Variants in VWA5B1 observed in about 807,000 individuals in gnomAD.
VWA5B1 encodes the protein von Willebrand factor A domain-containing protein 5B1.
Under a neutral mutation model 118.2 loss-of-function variants are expected in VWA5B1, and 115 were observed. The observed-to-expected ratio is 0.97, with a 90% CI of 0.84 to 1.14. The LOEUF (loss-of-function observed/expected upper bound fraction) is 1.14. Ranked by LOEUF, VWA5B1 falls within the 50% of genes most tolerant of loss-of-function variation. VWA5B1 has a pLI of 0.00. For synonymous variants in VWA5B1, 682 were observed against 658.4 expected (o/e 1.04, Z -0.55); for missense variants, 1,596 against 1,603.8 (o/e 1.00, Z 0.08).
chr1:20,315,690 C>T, intron 4 of VWA5B1, among the ~76,000 whole-genome samples: 1 of 152,128 alleles, frequency 6.6e-6, no homozygotes, highest in Admixed American at 6.5e-5. Flanking sequence ...GCAGCAGGTG[C>T]CATGTGTCAC....
At chr1:20,293,325 T>C (rs2088347185) in intron 1 of VWA5B1, among the ~76,000 whole-genome samples, 1 of 152,044 alleles carries the variant, frequency 6.6e-6, no homozygotes, top group Admixed American at 6.5e-5. Flanking sequence ...CGAATGCTGG[T>C]TATGGCTCTG....
chr1:20,329,287 CTTTTTTTTTTTTTTT>C (rs10578067), intron 9 of VWA5B1, among the ~76,000 whole-genome samples: 2 of 89,216 alleles, frequency 2.2e-5, no homozygotes, highest in South Asian at 4.2e-4. Context: ...TTTCTTTTCC[CTTTTTTTTTTTTTTT>C]TTTTTTTTTT....
Position 20,323,407 on chromosome 1 carries a change from A to T in VWA5B1, c.1018A>T (p.Ile340Phe), listed in dbSNP as rs2089281806. Reference protein sequence around the residue: ...LHKDIPHHSVIMLNFCPDLQS... With the variant: ...LHKDIPHHSVFMLNFCPDLQS... ...CAAAGACATTCCCCACCACTCCGTCATCATGCTCAACTTCTGTCCCGACCT... is the reference window on the plus strand; with the variant it reads ...CAAAGACATTCCCCACCACTCCGTCTTCATGCTCAACTTCTGTCCCGACCT... Residue 340 changes from isoleucine (I) to phenylalanine (F), a missense_variant, in exon 8 of 22, where the codon ATC becomes TTC. Ile to Phe is a conservative substitution (Grantham distance 21). Transcript: ENST00000289815. The T allele has an allele frequency of 6.5e-7, 1 of 1,530,468 alleles. No individual in the cohort carries two copies. The highest frequency in any genetic ancestry group is 8.8e-7 in the Non-Finnish European group (1 of 1,137,840). The allele number at this position is 1,530,468 out of a possible 1,614,324, so 94.8% of individuals were successfully genotyped here.
chr1:20,317,155 CAAAAAAA>C (rs367872784), intron 4 of VWA5B1, among the ~76,000 whole-genome samples: 25 of 70,518 alleles, frequency 3.5e-4, no homozygotes, highest in African/African-American at 1.1e-3. Flanking sequence ...GACTGCATCT[CAAAAAAA>C]AAAAAAAAAA....
intron 17 of VWA5B1, 131 bp downstream of exon 17, chr1:20,345,724 G>GA: frequency 7.6e-7 from 1 of 1,321,110 alleles, no homozygotes; most frequent in Non-Finnish European, 1.0e-6. Flanking sequence ...AAGCAGAAAG[G>GA]CCCCCAGTGG....
intron 2 of VWA5B1, 47 bp from the exon 3 acceptor site, chr1:20,312,789 C>A (rs1453255355): frequency 6.6e-7 from 1 of 1,509,164 alleles, no homozygotes; most frequent in South Asian, 1.3e-5. Flanking sequence ...AAGGGGTGTG[C>A]AGGGTAGGCC....
At chr1:20,330,095 T>G in intron 9 of VWA5B1, 85 bp from the exon 10 acceptor site, 1 of 1,451,634 alleles carries the variant, frequency 6.9e-7, no homozygotes, top group Non-Finnish European at 9.4e-7. Context: ...TAAAAGAAGA[T>G]CTAGGGAAAC....
intron 5 of VWA5B1, 112 bp downstream of exon 5, chr1:20,317,787 A>C: frequency 7.6e-7 from 1 of 1,318,960 alleles, no homozygotes; most frequent in South Asian, 1.6e-5. Context: ...TGGCAGACCT[A>C]CTAAAGTACA....
chr1:20,310,400 C>T (rs1213383863), intron 1 of VWA5B1, among the ~76,000 whole-genome samples, 176 bp from the exon 2 acceptor site: 1 of 152,188 alleles, frequency 6.6e-6, no homozygotes, highest in Non-Finnish European at 1.5e-5. Flanking sequence ...CACTTCTCTT[C>T]TCAGGGGAGA....
Position 20,354,378 on chromosome 1 carries a change from G to T in VWA5B1, c.*115G>T. On this transcript the variant is annotated 3_prime_UTR_variant, in exon 22 of 22. Coordinates refer to ENST00000289815, the MANE Select transcript of VWA5B1 (RefSeq NM_001039500.3). ...GCTGTAACTAATATTTCAGTTACTAGAAAGAGCCCTGGACTGGCAGCCAGG... is the reference window on the plus strand; with the variant it reads ...GCTGTAACTAATATTTCAGTTACTATAAAGAGCCCTGGACTGGCAGCCAGG... 3.8e-6 allele frequency: 5 copies of T among 1,315,554 alleles called. No homozygotes were observed. Among genetic ancestry groups the T allele is most frequent in the Non-Finnish European group, 5.1e-6 (5 of 985,946 alleles). 81.5% of individuals were successfully genotyped at this position (1,315,554 alleles called of 1,614,324 possible). A position where few individuals can be genotyped will look rare whatever the true frequency, so the allele number is the denominator to read the frequency against.
rs1297216815 is a variant in VWA5B1, at chr1:20,336,401, CTG to C, written c.1860_1861del (p.Ala621GlnfsTer56). On this transcript the variant is annotated frameshift_variant, in exon 13 of 22. Transcript: ENST00000289815. LOFTEE classifies it high-confidence loss of function. ...ACGGACCCGGGCTGGAAGGTGGAGA[CTG>C]TGCCAAGAACTCGGGGGCACCCTTC... ...DDGPGLEGGDCAKNSGAPFIL... is the reference protein window; with the variant it reads ...DDGPGLEGGDXAKNSGAPFIL... 1.3e-6 allele frequency: 2 copies of C among 1,529,144 alleles called. No individual in the cohort carries two copies. Among genetic ancestry groups the C allele is most frequent in the East Asian group, 2.5e-5 (1 of 39,954 alleles). 94.7% of individuals were successfully genotyped at this position (1,529,144 alleles called of 1,614,324 possible).
At position 20,314,462 on chromosome 1, in the gene VWA5B1, A is replaced by C; in HGVS notation, c.433A>C (p.Ile145Leu). ...IAPMENVTIF[I>L]STSSELPTLP... ...CCCCATGGAGAATGTCACCATCTTC[A>C]TCAGCACCTCCTCGGAGCTCCCAAC... Residue 145 changes from isoleucine to leucine, a missense_variant, in exon 4 of 22, where the codon ATC becomes CTC. Transcript: ENST00000289815. The C allele has an allele frequency of 3.9e-6, 6 of 1,551,754 alleles. No homozygotes were observed. The South Asian group carries it at 5.9e-5, about 15-fold the overall frequency.
chr1:20,292,395 G>A (rs537772686), intron 1 of VWA5B1, among the ~76,000 whole-genome samples: 55 of 152,138 alleles, frequency 3.6e-4, no homozygotes, highest in Non-Finnish European at 6.9e-4. Flanking sequence ...TGGGTTGGCC[G>A]GTGGGGCTGA....
Position 20,317,923 on chromosome 1 carries a change from G to A in VWA5B1, c.709+248G>A, listed in dbSNP as rs867481442. Among the ~76,000 whole-genome samples, 4 of 151,768 alleles carry A rather than the reference G, an allele frequency of 2.6e-5. No individual in the cohort carries two copies. In the South Asian group the frequency reaches 6.3e-4, roughly 24 times the overall value. On this transcript the variant is annotated intron_variant, in intron 5 of 21. Transcript: ENST00000289815. ...GCTTCCTCGGAAGAATGTCCATGGG[G>A]AATGGTGGCCCTTGGTTCTCTCCTA...
At position 20,314,380 on chromosome 1, in the gene VWA5B1, G is replaced by T. The variant is rs1214763984; in HGVS notation, c.351G>T (p.Val117=). 1.3e-6 allele frequency: 2 copies of T among 1,552,024 alleles called. No individual in the cohort carries two copies. Among genetic ancestry groups the T allele is most frequent in the East Asian group, 2.4e-5 (1 of 40,920 alleles). Residue 117 remains valine (V), a synonymous_variant, in exon 4 of 22, where the codon GTG becomes GTT. Transcript: ENST00000289815. ...IAPHSCTPGK[V]TLDEDLERIL... ...CTCATTCCTGCACACCGGGAAAGGTGACCTTGGACGAGGATTTGGAGCGGA... is the reference window on the plus strand; with the variant it reads ...CTCATTCCTGCACACCGGGAAAGGTTACCTTGGACGAGGATTTGGAGCGGA...
chr1:20,351,047 C>T (rs535612560), intron 20 of VWA5B1, 121 bp downstream of exon 20: 45 of 946,520 alleles, frequency 4.8e-5, no homozygotes, highest in East Asian at 7.9e-5. Context: ...AGGCAGGTGT[C>T]GTAAAGAAGG....
intron 20 of VWA5B1, among the ~76,000 whole-genome samples, chr1:20,351,587 G>A (rs1448140299): frequency 1.3e-5 from 2 of 152,272 alleles, no homozygotes; most frequent in African/African-American, 4.8e-5. Context: ...GGGAGGCAGA[G>A]GTTGCAGTGA....
At chr1:20,291,359 T>TTCTTTCTTTCTTTCTTTCTTTCTTTCTC (rs1381113890) in intron 1 of VWA5B1, among the ~76,000 whole-genome samples, 2 of 103,342 alleles carry the variant, frequency 1.9e-5, no homozygotes, top group African/African-American at 7.3e-5. Flanking sequence ...CTTTCTTTCT[T>TTCTTTCTTTCTTTCTTTCTTTCTTTCTC]TCTCTCTCTC....
chr1:20,353,044 G>C (rs767856615), intron 21 of VWA5B1, among the ~76,000 whole-genome samples: 1 of 152,172 alleles, frequency 6.6e-6, no homozygotes, highest in Non-Finnish European at 1.5e-5. Context: ...TCTAGACCAG[G>C]CTTGAGATGT....
Sources: gnomAD v4.1 joint callset for allele counts (sites outside exome capture counted in the v4.1 genomes callset) on GRCh38, gnomAD v4.1.1 for gene constraint, MANE v1.5 for transcripts, NCBI Gene and HGNC (gene_info 2026-07-23, HGNC 2026-07-21) for gene names.